The following PCDHGA10 variants were observed in gnomAD, a reference collection of about 807,000 sequenced individuals.
PCDHGA10 encodes the protein protocadherin gamma subfamily A, 10.
Under a neutral mutation model 59.5 loss-of-function variants are expected in PCDHGA10, and 42 were observed. The ratio of observed to expected loss-of-function variants is 0.71; its 90% CI spans 0.55 to 0.91. The LOEUF (loss-of-function observed/expected upper bound fraction) is 0.91. PCDHGA10 is among the 40% of genes least tolerant of loss of function. The pLI, the probability that PCDHGA10 is intolerant of heterozygous loss-of-function variation, is 0.00. For missense variants in PCDHGA10, 1,111 were observed against 1,198.2 expected, an observed-to-expected ratio of 0.93 and a Z score of 1.07; for synonymous variants, 511 against 517.2, an observed-to-expected ratio of 0.99 and a Z score of 0.16.
chr5:141,416,828 C>T (rs1014962852), intron 1 of PCDHGA10: 2 of 152,042 alleles, frequency 1.3e-5, no homozygotes, highest in African/African-American at 4.8e-5. Context: ...CGAAGTTTCT[C>T]AAGACCCTTA....
chr5:141,464,290 A>AC (rs1287070540), intron 1 of PCDHGA10, among the ~76,000 whole-genome samples: 1 of 149,916 alleles, frequency 6.7e-6, no homozygotes, highest in Non-Finnish European at 1.5e-5. Context: ...AAAAAAAAAA[A>AC]CTCCATTGTA....
chr5:141,498,230 C>T (rs2099782452), intron 2 of PCDHGA10, among the ~76,000 whole-genome samples: 1 of 152,200 alleles, frequency 6.6e-6, no homozygotes, highest in African/African-American at 2.4e-5. Flanking sequence ...GATGGTCAGG[C>T]ATACCAGCTT....
rs1245526846 is a variant in PCDHGA10, at chr5:141,512,505, C to T, written c.*1332C>T. ...GCCACTGCCCAGGTCCCCAGTGCGCCCCCTAGTGGCCATAGCCTGGTTAAA... is the reference window on the plus strand; with the variant it reads ...GCCACTGCCCAGGTCCCCAGTGCGCTCCCTAGTGGCCATAGCCTGGTTAAA... On this transcript the variant is annotated 3_prime_UTR_variant, in exon 4 of 4. Transcript: ENST00000398610. The T allele has an allele frequency of 1.3e-5, 2 of 152,888 alleles. No individual in the cohort carries two copies. The highest frequency in any genetic ancestry group is 4.8e-5 in the African/African-American group (2 of 41,466). 9.5% of individuals were successfully genotyped at this position (152,888 alleles called of 1,614,324 possible). A position where few individuals can be genotyped will look rare whatever the true frequency, so the allele number is the denominator to read the frequency against.
At chr5:141,468,746 G>A (rs1298497433) in intron 1 of PCDHGA10, among the ~76,000 whole-genome samples, 1 of 151,850 alleles carries the variant, frequency 6.6e-6, no homozygotes, top group Non-Finnish European at 1.5e-5. Flanking sequence ...GGTGCCTGTA[G>A]TCCCAGCTAC....
intron 1 of PCDHGA10, among the ~76,000 whole-genome samples, chr5:141,464,557 C>A (rs1342964264): frequency 6.6e-6 from 1 of 152,132 alleles, no homozygotes; most frequent in Non-Finnish European, 1.5e-5. Context: ...CCCCATCTTG[C>A]ATTCCTACAA....
In PCDHGA10 at chr5:141,489,071, CA is replaced by C; in HGVS notation, c.2437-5735del. 3.1e-6 allele frequency: 1 copy of C among 326,700 alleles called. No homozygotes were observed. Among genetic ancestry groups the C allele is most frequent in the East Asian group, 5.9e-5 (1 of 17,012 alleles). 20.2% of individuals were successfully genotyped at this position (326,700 alleles called of 1,614,324 possible). A position where few individuals can be genotyped will look rare whatever the true frequency, so the allele number is the denominator to read the frequency against. On this transcript the variant is annotated intron_variant, in intron 1 of 3. Transcript: ENST00000398610. This position sits in a 1 kb window ranked among gnomAD's most constrained non-coding sequence, Gnocchi z 4.5. Reference sequence around the variant, plus strand: ...AAATTCAGCTCCCCTCCCCCCTGCCCACCCCCGCCACTCGGTGACTAAGAAC... The same window carrying C: ...AAATTCAGCTCCCCTCCCCCCTGCCCCCCCCGCCACTCGGTGACTAAGAAC...
chr5:141,505,621 A>G (rs1170133157), intron 3 of PCDHGA10, 140 bp downstream of exon 3: 5 of 1,495,758 alleles, frequency 3.3e-6, no homozygotes, highest in South Asian at 2.6e-5. Context: ...AGGACCCACA[A>G]TTCCAAACAT....
chr5:141,432,093 C>A lies in PCDHGA10; in HGVS notation c.2436+16482C>A. The A allele has an allele frequency of 1.2e-6, 2 of 1,614,170 alleles. No homozygotes were observed. Among genetic ancestry groups the A allele is most frequent in the Non-Finnish European group, 1.7e-6 (2 of 1,180,046 alleles). On this transcript the variant is annotated intron_variant, in intron 1 of 3. Coordinates refer to ENST00000398610, the MANE Select transcript of PCDHGA10 (RefSeq NM_018913.3). The surrounding 1 kb of genome is among the most constrained non-coding windows in gnomAD (Gnocchi z 6.0). ...CATATCTCGCTGAACGTGGCAGACA[C>A]CAACGACAACCCGCCGGTCTTCCCT...
At chr5:141,496,948 G>A (rs2099772844) in intron 2 of PCDHGA10, among the ~76,000 whole-genome samples, 1 of 151,826 alleles carries the variant, frequency 6.6e-6, no homozygotes, top group Admixed American at 6.6e-5. Context: ...CACTTTGGGA[G>A]GCCAAGGTGG....
At chr5:141,467,059 T>C (rs1157689140) in intron 1 of PCDHGA10, among the ~76,000 whole-genome samples, 2 of 151,064 alleles carry the variant, frequency 1.3e-5, no homozygotes, top group African/African-American at 2.4e-5. Context: ...TGTTTTCTTT[T>C]TTTTTTTTTT....
At chr5:141,509,551 C>T (rs2099877337) in intron 3 of PCDHGA10, among the ~76,000 whole-genome samples, 1 of 152,164 alleles carries the variant, frequency 6.6e-6, no homozygotes, top group South Asian at 2.1e-4. Context: ...CTCATTTAGT[C>T]CTCACAGCAG....
At chr5:141,481,357 G>A (rs1399668487) in intron 1 of PCDHGA10, among the ~76,000 whole-genome samples, 1 of 152,176 alleles carries the variant, frequency 6.6e-6, no homozygotes, top group Non-Finnish European at 1.5e-5. Context: ...ATCTACAGCT[G>A]TTCAATAGAT....
intron 1 of PCDHGA10, among the ~76,000 whole-genome samples, chr5:141,467,707 G>A (rs1203906639): frequency 6.6e-6 from 1 of 152,140 alleles, no homozygotes; most frequent in Non-Finnish European, 1.5e-5. Flanking sequence ...TGTTGCCCAG[G>A]CTGGAGTGTA....
In PCDHGA10 at chr5:141,413,123, A is replaced by T; in HGVS notation, c.-53A>T. The stretch of plus-strand genomic sequence containing the variant: ...CACAGAAAGACAAAGGAACCGGTTG[A>T]AACACACAACGTGTCCAGTGAGGAC... On this transcript the variant is annotated 5_prime_UTR_variant, in exon 1 of 4. Transcript: ENST00000398610. 1 of 1,526,818 alleles carries T rather than the reference A, an allele frequency of 6.5e-7. No homozygotes were observed. 94.6% of individuals were successfully genotyped at this position (1,526,818 alleles called of 1,614,324 possible).
intron 1 of PCDHGA10, among the ~76,000 whole-genome samples, chr5:141,462,459 CTG>C (rs2099040203): frequency 6.6e-6 from 1 of 152,010 alleles, no homozygotes; most frequent in African/African-American, 2.4e-5. Flanking sequence ...TAACTGAAAA[CTG>C]TGTATTCTGC....
At chr5:141,419,246 GAAAACAACCAGCC>G (rs749331717) in intron 1 of PCDHGA10, 1 of 1,614,004 alleles carries the variant, frequency 6.2e-7, no homozygotes, top group South Asian at 1.1e-5. Flanking sequence ...CCACGTGCCA[GAAAACAACCAGCC>G]GGGTGCCTCC....
rs776330769 is a variant in PCDHGA10 at position 141,413,206 on chromosome 5, T to G, written c.31T>G (p.Ser11Ala). MAAQRNRSKESKDCSGLVLLC... is the reference protein window; with the variant it reads MAAQRNRSKEAKDCSGLVLLC... The stretch of plus-strand genomic sequence containing the variant: ...CGCTCAAAGGAATCGCTCAAAGGAA[T>G]CAAAGGATTGCAGCGGGCTGGTCCT... The change falls in exon 1 of 4, where the codon TCA (serine) becomes GCA (alanine). Residue 11 changes from serine to alanine, a missense_variant. Transcript: ENST00000398610. 4.3e-6 allele frequency: 7 copies of G among 1,612,936 alleles called. 1 individual carries two copies. In the South Asian group the frequency reaches 7.7e-5, roughly 18 times the overall value.
intron 2 of PCDHGA10, among the ~76,000 whole-genome samples, chr5:141,500,333 A>G (rs1237684682): frequency 6.6e-6 from 1 of 151,336 alleles, no homozygotes; most frequent in Non-Finnish European, 1.5e-5. Context: ...CTCAGCCTCC[A>G]GAATAGCTGG....
intron 1 of PCDHGA10, among the ~76,000 whole-genome samples, chr5:141,457,926 GGGCTTTTATT>G (rs1398565105): frequency 6.6e-6 from 1 of 151,120 alleles, no homozygotes; most frequent in Non-Finnish European, 1.5e-5. Context: ...TCTCCCCAAG[GGGCTTTTATT>G]GGCTCTGCAT....
Sources: gnomAD v4.1 joint callset for allele counts (sites outside exome capture counted in the v4.1 genomes callset) on GRCh38, gnomAD v4.1.1 for gene constraint, Gnocchi (gnomAD v3.1) non-coding constraint, MANE v1.5 for transcripts, NCBI Gene and HGNC (gene_info 2026-07-23, HGNC 2026-07-21) for gene names.